Variants in HMCN1 observed in about 807,000 individuals in gnomAD.
HMCN1 encodes the protein hemicentin-1.
HMCN1 carries 321 observed loss-of-function variants against 625.9 expected under a neutral mutation model. That is an observed-to-expected ratio of 0.51 (90% CI 0.47 to 0.56). The LOEUF is 0.56. Among genes scored for constraint, HMCN1 ranks in the 20% least tolerant of loss-of-function variants. The pLI is 0.00. For missense variants in HMCN1, 6,588 were observed against 6,887.3 expected, an observed-to-expected ratio of 0.96 and a Z score of 1.54; for synonymous variants, 2,425 against 2,417.6, an observed-to-expected ratio of 1.00 and a Z score of -0.09.
At chr1:186,177,226 A>T (rs926268956) in intron 103 of HMCN1, 1 of 152,134 alleles carries the variant, frequency 6.6e-6, no homozygotes, top group Non-Finnish European at 1.5e-5. Context: ...GAATCCCTTG[A>T]ACCCAGGAGG....
chr1:185,903,437 AG>A (rs1478948355), intron 4 of HMCN1, among the ~76,000 whole-genome samples: 1 of 151,750 alleles, frequency 6.6e-6, no homozygotes, highest in Non-Finnish European at 1.5e-5. Context: ...GTAAAATTTT[AG>A]TTCCAGCAGA....
chr1:186,170,390 G>A (rs185729882), intron 100 of HMCN1, among the ~76,000 whole-genome samples: 98 of 152,266 alleles, frequency 6.4e-4, no homozygotes, highest in South Asian at 2.3e-3. Flanking sequence ...ACAGTGTGGC[G>A]ATTGCTCAAG....
intron 1 of HMCN1, among the ~76,000 whole-genome samples, chr1:185,838,024 A>T (rs575220216): frequency 6.6e-6 from 1 of 152,212 alleles, no homozygotes; most frequent in Admixed American, 6.5e-5. Context: ...TCCTCCAGGC[A>T]TGGAGACTGA....
chr1:185,832,585 G>T (rs1660932858), intron 1 of HMCN1, among the ~76,000 whole-genome samples: 2 of 152,090 alleles, frequency 1.3e-5, no homozygotes, highest in South Asian at 4.1e-4. Flanking sequence ...AAAAAAAGAG[G>T]TTCCATACCT....
intron 2 of HMCN1, among the ~76,000 whole-genome samples, chr1:185,847,938 A>T (rs1039596737): frequency 1.3e-5 from 2 of 152,046 alleles, no homozygotes; most frequent in African/African-American, 4.8e-5. Context: ...GGGTGACAGG[A>T]TGAGACCCTG....
chr1:185,768,139 T>C (rs1011916058), intron 1 of HMCN1, among the ~76,000 whole-genome samples: 1 of 152,212 alleles, frequency 6.6e-6, no homozygotes, highest in African/African-American at 2.4e-5. Flanking sequence ...ATACGTTTAC[T>C]AAACACCTAT....
chr1:186,079,057 T>C (rs1272086263), intron 55 of HMCN1, among the ~76,000 whole-genome samples: 1 of 152,208 alleles, frequency 6.6e-6, no homozygotes, highest in East Asian at 1.9e-4. Context: ...CCATATGTCC[T>C]GCCTAGGATC....
chr1:186,070,542 T>C, intron 51 of HMCN1, 70 bp from the exon 52 acceptor site: 1 of 1,315,066 alleles, frequency 7.6e-7, no homozygotes, highest in Non-Finnish European at 1.1e-6. Flanking sequence ...TAATCCTCAG[T>C]GTGATTTCTG....
intron 15 of HMCN1, among the ~76,000 whole-genome samples, chr1:185,975,973 T>C (rs1387949766): frequency 6.6e-6 from 1 of 152,162 alleles, no homozygotes; most frequent in Non-Finnish European, 1.5e-5. Context: ...TTGACAAATA[T>C]CCAGTGGCCA....
chr1:185,750,613 G>A (rs1193373601), intron 1 of HMCN1, among the ~76,000 whole-genome samples: 1 of 151,838 alleles, frequency 6.6e-6, no homozygotes, highest in African/African-American at 2.4e-5. Flanking sequence ...GTTTTGCTTG[G>A]CATTAATAAT....
chr1:186,028,544 G>T (rs1161049567), intron 36 of HMCN1, among the ~76,000 whole-genome samples: 1 of 152,060 alleles, frequency 6.6e-6, no homozygotes, highest in East Asian at 1.9e-4. Context: ...TACGTGCTTT[G>T]CAGGCAGGAT....
rs767920195 is a variant in HMCN1 at position 185,909,347 on chromosome 1, G to T, written c.632G>T (p.Trp211Leu). The T allele has an allele frequency of 9.3e-6, 15 of 1,610,414 alleles. No individual in the cohort carries two copies. Among genetic ancestry groups the T allele is most frequent in the Non-Finnish European group, 1.3e-5 (15 of 1,176,930 alleles). The change falls in exon 5 of 107, where the codon TGG (tryptophan) becomes TTG (leucine). Residue 211 changes from tryptophan (W) to leucine (L), a missense_variant. This residue lies in a region of HMCN1 where 4,628 missense variants were observed against 4,853.1 expected (regional missense o/e 0.95). Transcript: ENST00000271588. ...DKKQVNEVLKWVEEAVQASKV... is the reference protein window; with the variant it reads ...DKKQVNEVLKLVEEAVQASKV... ...CTTTCTCTCTTATAGGTATTAAAATGGGTAGAAGAAGCAGTACAGGCCTCC... is the reference window on the plus strand; with the variant it reads ...CTTTCTCTCTTATAGGTATTAAAATTGGTAGAAGAAGCAGTACAGGCCTCC...
intron 51 of HMCN1, 30 bp downstream of exon 51, chr1:186,069,806 A>G: frequency 6.9e-7 from 1 of 1,444,556 alleles, no homozygotes; most frequent in Non-Finnish European, 9.7e-7. Context: ...TATGTTTCAT[A>G]GCTTCCCCAA....
Position 186,070,653 on chromosome 1 carries a change from C to T in HMCN1, c.8035C>T (p.Leu2679Phe). The change falls in exon 52 of 107, where the codon CTT (leucine) becomes TTT (phenylalanine). Residue 2679 changes from leucine (L) to phenylalanine (F), a missense_variant. Physicochemically the swap from Leu to Phe is conservative, Grantham distance 22. Transcript: ENST00000271588. ...TAAAGGGGACCTTTGGGGGCCAGGTCTTTCCCCTAAAGAAGTGAAGATCAA... is the reference window on the plus strand; with the variant it reads ...TAAAGGGGACCTTTGGGGGCCAGGTTTTTCCCCTAAAGAAGTGAAGATCAA... ...INKGDLWGPG[L>F]SPKEVKIKVN... 2 of 1,613,438 alleles carry T rather than the reference C, an allele frequency of 1.2e-6. No individual in the cohort carries two copies. Among genetic ancestry groups the T allele is most frequent in the East Asian group, 2.2e-5 (1 of 44,822 alleles).
At chr1:186,082,398 C>G (rs1659221935) in intron 56 of HMCN1, among the ~76,000 whole-genome samples, 1 of 152,158 alleles carries the variant, frequency 6.6e-6, no homozygotes, top group Admixed American at 6.6e-5. Flanking sequence ...CAAGTGATCT[C>G]TACCCTCCAG....
chr1:185,989,148 C>G (rs943189820), intron 20 of HMCN1, among the ~76,000 whole-genome samples: 4 of 151,702 alleles, frequency 2.6e-5, no homozygotes, highest in African/African-American at 9.7e-5. Context: ...GCTGGGACTA[C>G]AGGTGCCTGC....
At chr1:185,850,586 T>C (rs1431289850) in intron 2 of HMCN1, among the ~76,000 whole-genome samples, 1 of 152,138 alleles carries the variant, frequency 6.6e-6, no homozygotes, top group African/African-American at 2.4e-5. Context: ...TGACTCATAC[T>C]CCATGACTGC....
At chr1:186,057,040 C>T (rs959140284) in intron 45 of HMCN1, among the ~76,000 whole-genome samples, 194 bp from the exon 46 acceptor site, 1 of 138,802 alleles carries the variant, frequency 7.2e-6, no homozygotes, top group African/African-American at 3.1e-5. Flanking sequence ...GTCACACACA[C>T]ACACACACAC....
At chr1:186,022,147 A>G (rs1474177805) in intron 35 of HMCN1, among the ~76,000 whole-genome samples, 1 of 152,100 alleles carries the variant, frequency 6.6e-6, no homozygotes, top group East Asian at 1.9e-4. Flanking sequence ...AGATTGCTGG[A>G]AGGACACATG....
Sources: allele counts gnomAD v4.1 joint callset (sites outside exome capture counted in the v4.1 genomes callset), GRCh38; gene constraint gnomAD v4.1.1; regional missense constraint gnomAD v4.1.1; transcripts MANE v1.5; gene names NCBI Gene and HGNC (gene_info 2026-07-23, HGNC 2026-07-21).